Variants in PPP4R3B observed in about 807,000 individuals in gnomAD.
PPP4R3B encodes protein phosphatase 4 regulatory subunit 3B, also known as serine/threonine-protein phosphatase 4 regulatory subunit 3B.
A neutral mutation model predicts 95.4 loss-of-function variants in PPP4R3B; 52 were observed. The observed-to-expected ratio is 0.54, with a 90% CI of 0.44 to 0.69. The LOEUF is 0.69. PPP4R3B is among the 30% of genes least tolerant of loss of function. The probability of loss-of-function intolerance (pLI) is 0.00; values close to 1 mark genes in which losing one functional copy is unlikely to be tolerated. For missense variants in PPP4R3B, 1,003 were observed against 1,005.9 expected, an observed-to-expected ratio of 1.00 and a Z score of 0.04; for synonymous variants, 407 against 343.9, an observed-to-expected ratio of 1.18 and a Z score of -2.03.
intron 2 of PPP4R3B, among the ~76,000 whole-genome samples, chr2:55,606,202 AAT>A (rs997386930): frequency 6.6e-6 from 1 of 152,108 alleles, no homozygotes; most frequent in African/African-American, 2.4e-5. Flanking sequence ...TATATACAAA[AAT>A]ATATTAGTAT....
rs932116488 is a variant in PPP4R3B, at chr2:55,573,885, C to T, written c.1607-108G>A. ...TAACAAAATCTAAACTGTATTTCCT[C>T]CTTTTTTTTTTTTTTTTTTTTGAGA... On this transcript the variant is annotated intron_variant, in intron 11 of 16. Transcript: ENST00000616407. 7.5e-4 allele frequency: 361 copies of T among 479,436 alleles called. 1 individual carries two copies. The highest frequency in any genetic ancestry group is 8.3e-4 in the Non-Finnish European group (266 of 322,238). The allele number at this position is 479,436 out of a possible 1,614,324, so 29.7% of individuals were successfully genotyped here.
chr2:55,585,199 CTG>C lies in PPP4R3B; in HGVS notation c.1117-34_1117-33del, dbSNP rs749385459. The C allele has an allele frequency of 3.4e-6, 5 of 1,469,104 alleles. 1 individual carries two copies. The East Asian group carries it at 1.2e-4, about 34-fold the overall frequency. The allele number at this position is 1,469,104 out of a possible 1,614,324, so 91.0% of individuals were successfully genotyped here. A position where few individuals can be genotyped will look rare whatever the true frequency, so the allele number is the denominator to read the frequency against. On this transcript the variant is annotated intron_variant, in intron 6 of 16. Coordinates refer to ENST00000616407, the MANE Select transcript of PPP4R3B (RefSeq NM_001122964.3). ...AAAGGAAAATTAGGTTACTTAGAGA[CTG>C]TTAACAAAAGTTATTCTCACATTTC...
Position 55,617,166 on chromosome 2 carries a change from C to A in PPP4R3B, c.120G>T (p.Leu40=), listed in dbSNP as rs771876722. 6.2e-6 allele frequency: 10 copies of A among 1,613,096 alleles called. No homozygotes were observed. The highest frequency in any genetic ancestry group is 8.5e-6 in the Non-Finnish European group (10 of 1,179,694). Residue 40 remains leucine (L), a synonymous_variant, in exon 1 of 17, where the codon CTG becomes CTT. Coordinates refer to ENST00000616407, the MANE Select transcript of PPP4R3B (RefSeq NM_001122964.3). ...TACCGTCGGACTCTGCCCGAACCAG[C>A]AGCGACATCCCCTTGAGCTCCTCCA... ...TYVEELKGMS[L]LVRAESDGSL...
intron 11 of PPP4R3B, among the ~76,000 whole-genome samples, chr2:55,574,703 C>T (rs963429047): frequency 1.3e-5 from 2 of 151,562 alleles, no homozygotes; most frequent in African/African-American, 4.9e-5. Flanking sequence ...ACGACATTCT[C>T]CTGCCTTAGC....
intron 11 of PPP4R3B, among the ~76,000 whole-genome samples, chr2:55,576,356 G>A (rs562984478): frequency 0.039 from 5,719 of 147,554 alleles, 140 homozygotes; most frequent in South Asian, 0.095. Context: ...TCAAACAAAC[G>A]AAAGCAATTC....
rs1211091922 is a variant in PPP4R3B at position 55,573,704 on chromosome 2, A to G, written c.1680T>C (p.Tyr560=). ...LLTFCVEHHT[Y]HIKNYIMNKD... ...TGTTCATAATATAGTTTTTTATGTG[A>G]TATGTGTGATGTTCCACACAAAATG... The change falls in exon 12 of 17, where the codon TAT becomes TAC. Residue 560 remains tyrosine (Y), a synonymous_variant. Transcript: ENST00000616407. The G allele has an allele frequency of 1.4e-5, 22 of 1,546,596 alleles. No individual in the cohort carries two copies. Among genetic ancestry groups the G allele is most frequent in the East Asian group, 4.9e-5 (2 of 40,642 alleles).
At chr2:55,608,599 T>C (rs1693735671) in intron 2 of PPP4R3B, among the ~76,000 whole-genome samples, 2 of 152,208 alleles carry the variant, frequency 1.3e-5, no homozygotes, top group South Asian at 4.1e-4. Context: ...AGTTTCCCAC[T>C]TATTGCTTCT....
At chr2:55,604,568 G>A (rs576662982) in intron 2 of PPP4R3B, among the ~76,000 whole-genome samples, 3 of 151,310 alleles carry the variant, frequency 2.0e-5, no homozygotes, top group East Asian at 1.9e-4. Flanking sequence ...CTTAAGAAAT[G>A]TAACACCATG....
intron 4 of PPP4R3B, among the ~76,000 whole-genome samples, chr2:55,597,379 T>C (rs1056507584): frequency 1.3e-5 from 2 of 151,942 alleles, no homozygotes; most frequent in African/African-American, 4.8e-5. Context: ...TCCCAGCACT[T>C]TGGGAGGCTG....
At chr2:55,552,821 T>G (rs969701741) in intron 16 of PPP4R3B, among the ~76,000 whole-genome samples, 1 of 152,318 alleles carries the variant, frequency 6.6e-6, no homozygotes, top group African/African-American at 2.4e-5. Flanking sequence ...CAAGGCATTT[T>G]TGGAAAAGAG....
intron 4 of PPP4R3B, among the ~76,000 whole-genome samples, chr2:55,596,251 T>C (rs182918349): frequency 2.6e-5 from 4 of 152,318 alleles, no homozygotes; most frequent in African/African-American, 9.6e-5. Flanking sequence ...AAATCTGACT[T>C]TCAAGGTGAA....
rs1320191737 is a variant in PPP4R3B, at chr2:55,617,355, G to A, written c.-70C>T. ...CCTCGTCCGCGCTCCTCACTCTTAG[G>A]AGACGGTAAAGGCAGTAGTGGCGGT... On this transcript the variant is annotated 5_prime_UTR_variant, in exon 1 of 17. Coordinates refer to ENST00000616407, the MANE Select transcript of PPP4R3B (RefSeq NM_001122964.3). The A allele has an allele frequency of 2.7e-5, 39 of 1,459,188 alleles. No individual in the cohort carries two copies. Among genetic ancestry groups the A allele is most frequent in the Non-Finnish European group, 3.2e-5 (35 of 1,099,604 alleles). 90.4% of individuals were successfully genotyped at this position (1,459,188 alleles called of 1,614,324 possible).
At position 55,566,412 on chromosome 2, in the gene PPP4R3B, C is replaced by T. The variant is rs920267012; in HGVS notation, c.1936-1371G>A. On this transcript the variant is annotated intron_variant, in intron 13 of 16. Coordinates refer to ENST00000616407, the MANE Select transcript of PPP4R3B (RefSeq NM_001122964.3). Reference sequence around the variant, plus strand: ...TTGTAAACTCTACCATTTGCTTTATCTGTATCTCACCAAAATTTTAAAGGA... The same window carrying T: ...TTGTAAACTCTACCATTTGCTTTATTTGTATCTCACCAAAATTTTAAAGGA... 4.6e-5 allele frequency among the ~76,000 whole-genome samples: 7 copies of T among 152,144 alleles called. No homozygotes were observed. In the East Asian group the frequency reaches 1.3e-3, roughly 29 times the overall value.
chr2:55,605,921 AAAAG>A (rs1263010933), intron 2 of PPP4R3B, among the ~76,000 whole-genome samples: 3 of 151,766 alleles, frequency 2.0e-5, no homozygotes, highest in African/African-American at 4.8e-5. Context: ...AAAAAAAAAA[AAAAG>A]AAATCCTTCA....
chr2:55,554,614 T>C (rs1180939234), intron 16 of PPP4R3B, among the ~76,000 whole-genome samples: 1 of 152,236 alleles, frequency 6.6e-6, no homozygotes, highest in Non-Finnish European at 1.5e-5. Context: ...CATGCTGAGG[T>C]GTAAGAGTTC....
intron 15 of PPP4R3B, 27 bp downstream of exon 15, chr2:55,564,286 C>A (rs751721216): frequency 6.3e-7 from 1 of 1,592,632 alleles, no homozygotes; most frequent in Non-Finnish European, 8.6e-7. Context: ...AGAGGGTACA[C>A]TGTGCAAAAA....
At chr2:55,581,879 G>A (rs12616502) in intron 7 of PPP4R3B, among the ~76,000 whole-genome samples, 181 bp from the exon 8 acceptor site, 20,177 of 150,064 alleles carry the variant, frequency 0.13, 2,738 homozygotes, top group African/African-American at 0.35. Context: ...CTACACACTA[G>A]AGTGAAAAAA....
At chr2:55,588,131 G>A (rs1690417308) in intron 5 of PPP4R3B, among the ~76,000 whole-genome samples, 1 of 151,992 alleles carries the variant, frequency 6.6e-6, no homozygotes, top group Admixed American at 6.6e-5. Flanking sequence ...CAAAGAAAAT[G>A]CTTACAATAA....
chr2:55,603,933 G>A, intron 3 of PPP4R3B, 45 bp downstream of exon 3: 1 of 1,411,756 alleles, frequency 7.1e-7, no homozygotes. Context: ...AAAAATTCCA[G>A]AAAAGAAGCA....
Sources: allele counts gnomAD v4.1 joint callset (sites outside exome capture counted in the v4.1 genomes callset), GRCh38; gene constraint gnomAD v4.1.1; transcripts MANE v1.5; gene names NCBI Gene and HGNC (gene_info 2026-07-23, HGNC 2026-07-21).